EVC2: variants seen among roughly 807,000 people sequenced by gnomAD.
EVC2 encodes the protein EvC ciliary complex subunit 2.
A neutral mutation model predicts 149.3 loss-of-function variants in EVC2; 148 were observed. The ratio of observed to expected loss-of-function variants is 0.99; its 90% CI spans 0.87 to 1.14. The LOEUF (loss-of-function observed/expected upper bound fraction) is 1.14. Among genes scored for constraint, EVC2 ranks in the 50% most tolerant of loss-of-function variants. EVC2 has a pLI of 0.00. For synonymous variants in EVC2, 776 were observed against 649.9 expected (o/e 1.19, Z -2.95); for missense variants, 1,854 against 1,627.3 (o/e 1.14, Z -2.40).
chr4:5,687,957 T>C (rs1357297912), intron 5 of EVC2, among the ~76,000 whole-genome samples: 1 of 152,144 alleles, frequency 6.6e-6, no homozygotes, highest in East Asian at 1.9e-4. Context: ...ACGCAGCTTC[T>C]CAGTCACAAG....
upstream of EVC2, chr4:5,708,644 C>A (rs1298553802): frequency 3.2e-6 from 2 of 621,582 alleles, no homozygotes; most frequent in Admixed American, 4.3e-5. Context: ...GAACAAACAC[C>A]CGCATCTGGG....
intron 9 of EVC2, among the ~76,000 whole-genome samples, chr4:5,642,931 T>C (rs1184072941): frequency 6.6e-6 from 1 of 152,234 alleles, no homozygotes; most frequent in African/African-American, 2.4e-5. Context: ...AAAGCAAATA[T>C]CAGATCTGTC....
At chr4:5,600,046 C>T (rs1043797869) in intron 16 of EVC2, among the ~76,000 whole-genome samples, 1 of 152,128 alleles carries the variant, frequency 6.6e-6, no homozygotes, top group African/African-American at 2.4e-5. Flanking sequence ...GCAAATTCCC[C>T]AAAGAAATGA....
At chr4:5,591,580 G>C (rs1577127672) in intron 16 of EVC2, among the ~76,000 whole-genome samples, 1 of 152,200 alleles carries the variant, frequency 6.6e-6, no homozygotes, top group Non-Finnish European at 1.5e-5. Context: ...TTATGTAAAT[G>C]CATGAATAAA....
rs866294880 is a variant in EVC2 at position 5,598,704 on chromosome 4, C to A, written c.2830-13854G>T. The stretch of plus-strand genomic sequence containing the variant: ...ACACCAAAAGCAATGGCAACAAAAG[C>A]CAAAATTGACAAATGGGATCTCATT... On this transcript the variant is annotated intron_variant, in intron 16 of 21. Coordinates refer to ENST00000344408, the MANE Select transcript of EVC2 (RefSeq NM_147127.5). 5.8e-3 allele frequency among the ~76,000 whole-genome samples: 889 copies of A among 152,118 alleles called. 5 individuals carry two copies. The highest frequency in any genetic ancestry group is 0.02 in the African/African-American group (816 of 41,510).
rs73198169 is a variant in EVC2 at position 5,629,756 on chromosome 4, T to C, written c.1711-1022A>G. 3.8e-3 allele frequency among the ~76,000 whole-genome samples: 575 copies of C among 152,366 alleles called. 3 individuals carry two copies. The highest frequency in any genetic ancestry group is 6.7e-3 in the Non-Finnish European group (454 of 68,034). The stretch of plus-strand genomic sequence containing the variant: ...ACACTAGCATCTCCCTAAGGGCCAC[T>C]GGCACCAGAATCCGTGTAACAGGAA... On this transcript the variant is annotated intron_variant, in intron 11 of 21. Coordinates refer to ENST00000344408, the MANE Select transcript of EVC2 (RefSeq NM_147127.5).
intron 13 of EVC2, among the ~76,000 whole-genome samples, chr4:5,623,667 G>A (rs780002010): frequency 2.0e-5 from 3 of 152,068 alleles, no homozygotes; most frequent in Non-Finnish European, 4.4e-5. Flanking sequence ...AAAAAAATAC[G>A]GTAGAATCCC....
At chr4:5,536,539 C>T in the EVC2 span, among the ~76,000 whole-genome samples, 3 of 152,136 alleles carry the variant, frequency 2.0e-5, no homozygotes, top group Admixed American at 6.5e-5. Flanking sequence ...AATCCTAGCA[C>T]TTTGGGAGGC....
At chr4:5,697,180 C>A (rs941523236) in intron 2 of EVC2, among the ~76,000 whole-genome samples, 8 of 152,228 alleles carry the variant, frequency 5.3e-5, no homozygotes, top group African/African-American at 1.7e-4. Flanking sequence ...AGGGAGCAGA[C>A]AGACACCTTG....
At chr4:5,537,410 C>G in the EVC2 span, among the ~76,000 whole-genome samples, 1 of 152,018 alleles carries the variant, frequency 6.6e-6, no homozygotes. Flanking sequence ...CTCACACCAG[C>G]CGGGAAATAG....
rs915925711 is a variant in EVC2 at position 5,567,920 on chromosome 4, T to C, written c.3557+524A>G. On this transcript the variant is annotated intron_variant, in intron 20 of 21. Transcript: ENST00000344408. This position sits in a 1 kb window ranked among gnomAD's most constrained non-coding sequence, Gnocchi z 4.4. ...GGATAAGAATTACATAGGGGGATGTTTGCATGAGCGTTAAAAGGTAAGGAG... is the reference window on the plus strand; with the variant it reads ...GGATAAGAATTACATAGGGGGATGTCTGCATGAGCGTTAAAAGGTAAGGAG... Among the ~76,000 whole-genome samples the C allele has an allele frequency of 1.3e-5, 2 of 152,220 alleles. No individual in the cohort carries two copies. The highest frequency in any genetic ancestry group is 6.5e-5 in the Admixed American group (1 of 15,288).
In EVC2 at chr4:5,569,516, G is replaced by A. The variant is rs1272464587; in HGVS notation, c.3361-876C>T. On this transcript the variant is annotated intron_variant, in intron 19 of 21. Transcript: ENST00000344408. The surrounding 1 kb of genome is among the most constrained non-coding windows in gnomAD (Gnocchi z 4.8). ...CTTCAAAATTAAAAATTTTGGCCAG[G>A]CATGGGGGCTCACATCTGTAATCCC... Among the ~76,000 whole-genome samples the A allele has an allele frequency of 1.3e-5, 2 of 152,132 alleles. No homozygotes were observed. Among genetic ancestry groups the A allele is most frequent in the African/African-American group, 4.8e-5 (2 of 41,424 alleles).
Position 5,689,314 on chromosome 4 carries a change from G to A in EVC2, c.549C>T (p.Ala183=). ...LVSGSSEAQT[A]RIWLLVNNTK... is the part of the protein sequence containing the mutation. The stretch of plus-strand genomic sequence containing the variant: ...TGTTGTTAACAAGCAGCCATATGCG[G>A]GCTGTCTGTGCTTCACTCGACCCAG... The change falls in exon 5 of 22, where the codon GCC becomes GCT. Residue 183 remains alanine (A), a synonymous_variant. Coordinates refer to ENST00000344408, the MANE Select transcript of EVC2 (RefSeq NM_147127.5). 2 of 1,614,150 alleles carry A rather than the reference G, an allele frequency of 1.2e-6. No homozygotes were observed. Among genetic ancestry groups the A allele is most frequent in the Non-Finnish European group, 1.7e-6 (2 of 1,180,034 alleles).
chr4:5,674,312 T>A (rs931200421), intron 7 of EVC2, among the ~76,000 whole-genome samples: 5 of 152,140 alleles, frequency 3.3e-5, no homozygotes, highest in Admixed American at 6.5e-5. Context: ...AGAGAACACA[T>A]CACACAGCAT....
intron 16 of EVC2, among the ~76,000 whole-genome samples, chr4:5,587,316 A>G (rs573506753): frequency 5.1e-4 from 77 of 152,288 alleles, no homozygotes; most frequent in African/African-American, 1.6e-3. Flanking sequence ...TTCTGTTTCT[A>G]TGATTTTCCT....
At position 5,568,579 on chromosome 4, in the gene EVC2, C is replaced by G. The variant is rs778201846; in HGVS notation, c.3422G>C (p.Arg1141Pro). 18 of 1,607,626 alleles carry G rather than the reference C, an allele frequency of 1.1e-5. No individual in the cohort carries two copies. The highest frequency in any genetic ancestry group is 1.4e-5 in the Non-Finnish European group (17 of 1,179,576). ...TGTGGGCAGTACCACACTCAGGAGC[C>G]GGCGAAGCGTGGCCCCGGGCACCAT... ...MAMVPGATLRRLLSVVLPTAS... is the reference protein window; with the variant it reads ...MAMVPGATLRPLLSVVLPTAS... The change falls in exon 20 of 22, where the codon CGG becomes CCG. Residue 1141 changes from arginine (R) to proline (P), a missense_variant. Coordinates refer to ENST00000344408, the MANE Select transcript of EVC2 (RefSeq NM_147127.5).
chr4:5,615,605 C>A, intron 15 of EVC2, 61 bp from the exon 16 acceptor site: 2 of 1,612,554 alleles, frequency 1.2e-6, no homozygotes, highest in South Asian at 1.1e-5. Flanking sequence ...CCATGCAGCT[C>A]CCCCGAGGGC....
chr4:5,689,290 G>A lies in EVC2; in HGVS notation c.573C>T (p.Asn191=), dbSNP rs1720944644. ...QTARIWLLVN[N]TKTTSSANLS... is the part of the protein sequence containing the mutation. ...GGTTGGCTGACGAGGTTGTCTTGGT[G>A]TTGTTAACAAGCAGCCATATGCGGG... Residue 191 remains asparagine, a synonymous_variant, in exon 5 of 22, where the codon AAC becomes AAT. Transcript: ENST00000344408. The A allele has an allele frequency of 1.9e-6, 3 of 1,614,090 alleles. No homozygotes were observed. Among genetic ancestry groups the A allele is most frequent in the South Asian group, 1.1e-5 (1 of 91,084 alleles).
intron 16 of EVC2, among the ~76,000 whole-genome samples, chr4:5,597,352 C>T (rs1713533383): frequency 6.6e-6 from 1 of 152,218 alleles, no homozygotes; most frequent in Non-Finnish European, 1.5e-5. Flanking sequence ...AGCAGCACAT[C>T]AAAAAGCTTA....
Sources: allele counts gnomAD v4.1 joint callset (sites outside exome capture counted in the v4.1 genomes callset), GRCh38; gene constraint gnomAD v4.1.1; non-coding constraint Gnocchi (gnomAD v3.1); transcripts MANE v1.5; gene names NCBI Gene and HGNC (gene_info 2026-07-23, HGNC 2026-07-21).